ZNF83: variants seen among roughly 807,000 people sequenced by gnomAD.
ZNF83 encodes zinc finger protein 816B.
For synonymous variants in ZNF83, 209 were observed against 213.0 expected, an observed-to-expected ratio of 0.98 and a Z score of 0.17; for missense variants, 552 against 629.9, an observed-to-expected ratio of 0.88 and a Z score of 1.32.
chr19:52,629,762 A>C (rs1258269989), intron 2 of ZNF83, among the ~76,000 whole-genome samples: 2 of 152,098 alleles, frequency 1.3e-5, no homozygotes, highest in Non-Finnish European at 2.9e-5. Flanking sequence ...ACAGCCCTAG[A>C]CCCTAAAAGG....
chr19:52,648,761 T>A (rs1433025958), intron 3 of ZNF83, among the ~76,000 whole-genome samples: 1 of 152,148 alleles, frequency 6.6e-6, no homozygotes, highest in African/African-American at 2.4e-5. Context: ...ATCATCCAAC[T>A]CATCCTGAGA....
intron 1 of ZNF83, chr19:52,660,880 T>TC (rs1243345493): frequency 6.5e-6 from 1 of 154,462 alleles, no homozygotes; most frequent in Non-Finnish European, 1.5e-5. Flanking sequence ...AATTAATTTT[T>TC]TTTGAGATGG....
At chr19:52,687,050 G>C (rs181840533) in intron 1 of ZNF83, among the ~76,000 whole-genome samples, 6 of 151,552 alleles carry the variant, frequency 4.0e-5, no homozygotes, top group African/African-American at 1.5e-4. Flanking sequence ...GAGTGGTGGC[G>C]CATGCCTGTA....
intron 3 of ZNF83, among the ~76,000 whole-genome samples, chr19:52,647,004 G>C (rs981434415): frequency 6.6e-6 from 1 of 152,132 alleles, no homozygotes; most frequent in African/African-American, 2.4e-5. Flanking sequence ...TCTGGGCTTA[G>C]CTTTCTGGAT....
upstream of ZNF83, among the ~76,000 whole-genome samples, chr19:52,641,888 A>G (rs1349798280): frequency 6.6e-6 from 1 of 152,174 alleles, no homozygotes; most frequent in Middle Eastern, 3.2e-3. Flanking sequence ...ATCAATACAT[A>G]TAAGATGTAC....
At chr19:52,666,983 G>A (rs1568573556) in intron 1 of ZNF83, among the ~76,000 whole-genome samples, 1 of 152,156 alleles carries the variant, frequency 6.6e-6, no homozygotes, top group African/African-American at 2.4e-5. Context: ...AAACTTTAAA[G>A]TAGTTACAGA....
intron 1 of ZNF83, among the ~76,000 whole-genome samples, chr19:52,686,481 T>C (rs532618284): frequency 2.6e-4 from 33 of 128,694 alleles, no homozygotes; most frequent in African/African-American, 1.0e-3. Context: ...TATATATATA[T>C]AAATAAATGA....
At chr19:52,656,537 T>C (rs963316055) in intron 2 of ZNF83, among the ~76,000 whole-genome samples, 1 of 151,480 alleles carries the variant, frequency 6.6e-6, no homozygotes, top group Non-Finnish European at 1.5e-5. Flanking sequence ...TAAAAATATA[T>C]GTATGTATAT....
intron 2 of ZNF83, among the ~76,000 whole-genome samples, chr19:52,626,429 C>T (rs1398784862): frequency 6.6e-6 from 1 of 152,124 alleles, no homozygotes; most frequent in Non-Finnish European, 1.5e-5. Flanking sequence ...TGGTATATGA[C>T]AACATAAACT....
At chr19:52,672,998 A>C (rs2061747052) in intron 1 of ZNF83, among the ~76,000 whole-genome samples, 1 of 151,302 alleles carries the variant, frequency 6.6e-6, no homozygotes, top group Non-Finnish European at 1.5e-5. Flanking sequence ...TAAATTGTAC[A>C]TATAAAAATG....
intron 1 of ZNF83, among the ~76,000 whole-genome samples, chr19:52,668,806 C>T (rs2061686685): frequency 6.6e-6 from 1 of 152,232 alleles, no homozygotes. Flanking sequence ...CGAGGGCTGT[C>T]CTCCAGTAGA....
At chr19:52,647,822 CA>C (rs748955777) in intron 3 of ZNF83, among the ~76,000 whole-genome samples, 3 of 151,782 alleles carry the variant, frequency 2.0e-5, no homozygotes, top group Non-Finnish European at 4.4e-5. Flanking sequence ...CAATCATCCT[CA>C]ATCTCCATAT....
At chr19:52,625,607 G>C (rs1314964244) in intron 2 of ZNF83, among the ~76,000 whole-genome samples, 1 of 152,128 alleles carries the variant, frequency 6.6e-6, no homozygotes, top group African/African-American at 2.4e-5. Flanking sequence ...CCGTATTACA[G>C]ACAAGACATC....
chr19:52,660,659 A>G (rs1283376917), intron 2 of ZNF83: 1 of 157,106 alleles, frequency 6.4e-6, no homozygotes, highest in Non-Finnish European at 1.4e-5. Flanking sequence ...AGTGCGAGCA[A>G]ACTTGTGACG....
intron 2 of ZNF83, among the ~76,000 whole-genome samples, chr19:52,615,242 C>T (rs544410455): frequency 6.6e-6 from 1 of 152,136 alleles, no homozygotes; most frequent in East Asian, 1.9e-4. Flanking sequence ...TACAACACAA[C>T]GAAGGCACCC....
intron 2 of ZNF83, among the ~76,000 whole-genome samples, chr19:52,629,408 C>G (rs1468361517): frequency 6.6e-6 from 1 of 152,010 alleles, no homozygotes; most frequent in Non-Finnish European, 1.5e-5. Context: ...TTCTAATCTT[C>G]CTTTTCTACA....
intron 1 of ZNF83, among the ~76,000 whole-genome samples, chr19:52,665,240 T>G (rs2061634054): frequency 2.0e-5 from 3 of 151,880 alleles, no homozygotes; most frequent in African/African-American, 7.3e-5. Flanking sequence ...AGGAGTGAGG[T>G]CACCACCTGC....
chr19:52,630,219 C>T (rs2060902941), intron 2 of ZNF83, among the ~76,000 whole-genome samples: 2 of 152,218 alleles, frequency 1.3e-5, no homozygotes, highest in African/African-American at 4.8e-5. Flanking sequence ...TGACTCCTTC[C>T]CAGATCTTCT....
chr19:52,630,762 TC>T (rs1300774575), intron 2 of ZNF83, among the ~76,000 whole-genome samples: 1 of 152,078 alleles, frequency 6.6e-6, no homozygotes, highest in East Asian at 1.9e-4. Context: ...AACGCCAGTA[TC>T]CCATCCCACA....
Sources: allele counts gnomAD v4.1 joint callset (sites outside exome capture counted in the v4.1 genomes callset), GRCh38; gene constraint gnomAD v4.1.1; transcripts MANE v1.5; gene names NCBI Gene and HGNC (gene_info 2026-07-23, HGNC 2026-07-21).